CEP295: variants seen among roughly 807,000 people sequenced by gnomAD.
CEP295 encodes the protein centrosomal protein 295, also known as centrosomal protein of 295 kDa.
A neutral mutation model predicts 291.6 loss-of-function variants in CEP295; 190 were observed. The observed-to-expected ratio is 0.65, with a 90% confidence interval of 0.58 to 0.73. CEP295 has a LOEUF of 0.73. Among genes scored for constraint, CEP295 ranks in the 30% least tolerant of loss-of-function variants. The pLI, the probability that CEP295 is intolerant of heterozygous loss-of-function variation, is 0.00. For synonymous variants in CEP295, 993 were observed against 1,038.8 expected, an observed-to-expected ratio of 0.96 and a Z score of 0.85; for missense variants, 2,863 against 2,949.4, an observed-to-expected ratio of 0.97 and a Z score of 0.68.
chr11:93,701,772 T>A (rs1026758634), intron 15 of CEP295, among the ~76,000 whole-genome samples: 2 of 151,536 alleles, frequency 1.3e-5, no homozygotes, highest in Non-Finnish European at 2.9e-5. Context: ...CCCAGCTAAC[T>A]TTTGTATTTT....
rs1020077061 is a variant in CEP295 at position 93,699,324 on chromosome 11, C to G, written c.4412C>G (p.Pro1471Arg). 1 of 1,552,052 alleles carries G rather than the reference C, an allele frequency of 6.4e-7. No homozygotes were observed. Among genetic ancestry groups the G allele is most frequent in the Non-Finnish European group, 8.7e-7 (1 of 1,147,042 alleles). Residue 1471 changes from proline to arginine, a missense_variant, in exon 15 of 30, where the codon CCT becomes CGT. Transcript: ENST00000325212. ...TTGCATGCACAGACAGATTTCCTTC[C>G]TTCTATTGAGAAAACCCAGAAAGAA... Reference protein sequence around the residue: ...EHLHAQTDFLPSIEKTQKELV... With the variant: ...EHLHAQTDFLRSIEKTQKELV...
chr11:93,719,264 G>GT (rs1377766993), intron 18 of CEP295, among the ~76,000 whole-genome samples: 68 of 97,322 alleles, frequency 7.0e-4, no homozygotes, highest in East Asian at 8.4e-4. Flanking sequence ...TTTTTTTCCT[G>GT]TTTTTTTTTG....
At chr11:93,668,653 C>T (rs11822585) in intron 3 of CEP295, among the ~76,000 whole-genome samples, 155 bp from the exon 4 acceptor site, 17,902 of 152,076 alleles carry the variant, frequency 0.12, 1,158 homozygotes, top group East Asian at 0.25. Context: ...CCTAATATGG[C>T]ATATCATCAG....
At chr11:93,662,808 T>G (rs755755543) in intron 1 of CEP295, among the ~76,000 whole-genome samples, 1 of 152,186 alleles carries the variant, frequency 6.6e-6, no homozygotes, top group Non-Finnish European at 1.5e-5. Flanking sequence ...TCATGAGATA[T>G]TTATAAAGGA....
intron 10 of CEP295, among the ~76,000 whole-genome samples, chr11:93,690,655 C>G (rs999229505): frequency 1.4e-5 from 2 of 141,244 alleles, no homozygotes; most frequent in Non-Finnish European, 3.0e-5. Flanking sequence ...TGGTGTAAAC[C>G]AGAGGCAGAG....
chr11:93,724,945 G>A (rs1166020452), intron 22 of CEP295, among the ~76,000 whole-genome samples: 2 of 152,048 alleles, frequency 1.3e-5, no homozygotes, highest in African/African-American at 4.8e-5. Context: ...ATTCTAATGT[G>A]GAACCAACTT....
At chr11:93,680,729 G>A (rs1055462513) in intron 7 of CEP295, among the ~76,000 whole-genome samples, 91 of 152,300 alleles carry the variant, frequency 6.0e-4, no homozygotes, top group African/African-American at 2.0e-3. Flanking sequence ...CTTAACTTCT[G>A]TCATGCTTAT....
At chr11:93,725,936 T>A in intron 23 of CEP295, 105 bp downstream of exon 23, 1 of 828,476 alleles carries the variant, frequency 1.2e-6, no homozygotes, top group Non-Finnish European at 1.9e-6. Flanking sequence ...ACCCCTGCTC[T>A]CACCCCTATC....
chr11:93,717,883 A>T (rs1953387123), intron 18 of CEP295, among the ~76,000 whole-genome samples: 1 of 152,088 alleles, frequency 6.6e-6, no homozygotes, highest in Non-Finnish European at 1.5e-5. Flanking sequence ...TCTTTCTCAG[A>T]ATCATTCCCA....
chr11:93,668,513 A>G (rs970433130), intron 3 of CEP295, among the ~76,000 whole-genome samples: 1 of 152,148 alleles, frequency 6.6e-6, no homozygotes. Flanking sequence ...CTGACTGGGA[A>G]ACTACCCATA....
chr11:93,712,785 T>G (rs2135241150), intron 18 of CEP295, among the ~76,000 whole-genome samples: 1 of 152,282 alleles, frequency 6.6e-6, no homozygotes, highest in South Asian at 2.1e-4. Context: ...AGTAATGATT[T>G]ACTCTTGTCA....
At chr11:93,723,347 C>A in intron 21 of CEP295, 58 bp downstream of exon 21, 1 of 1,263,964 alleles carries the variant, frequency 7.9e-7, no homozygotes, top group Non-Finnish European at 1.1e-6. Flanking sequence ...TTTCACCTTT[C>A]ATCATTTTAA....
intron 18 of CEP295, among the ~76,000 whole-genome samples, chr11:93,714,842 C>CCTCT (rs57191649): frequency 3.6e-4 from 53 of 149,176 alleles, no homozygotes; most frequent in South Asian, 1.9e-3. Flanking sequence ...AGTCAGTCAG[C>CCTCT]CTCTCTCTCT....
intron 7 of CEP295, among the ~76,000 whole-genome samples, chr11:93,679,899 G>T (rs1474902413): frequency 6.6e-6 from 1 of 152,170 alleles, no homozygotes; most frequent in African/African-American, 2.4e-5. Flanking sequence ...CATTAAATTT[G>T]TATTGAGCAA....
chr11:93,662,765 G>C (rs2134738291), intron 1 of CEP295, among the ~76,000 whole-genome samples: 1 of 152,300 alleles, frequency 6.6e-6, no homozygotes, highest in African/African-American at 2.4e-5. Flanking sequence ...AAAGTATGAT[G>C]AAAAGCATAT....
chr11:93,705,346 C>T (rs974588570), intron 17 of CEP295, among the ~76,000 whole-genome samples: 16 of 152,072 alleles, frequency 1.1e-4, no homozygotes, highest in Admixed American at 2.0e-4. Context: ...TAAAACTGAA[C>T]GGGGGTAGAG....
At chr11:93,705,678 T>C (rs1384920252) in intron 17 of CEP295, among the ~76,000 whole-genome samples, 3 of 152,228 alleles carry the variant, frequency 2.0e-5, no homozygotes, top group African/African-American at 7.2e-5. Flanking sequence ...TTACATTTTT[T>C]AGTTCTTTCA....
intron 11 of CEP295, 64 bp from the exon 12 acceptor site, chr11:93,691,863 G>T: frequency 1.1e-5 from 14 of 1,283,628 alleles, no homozygotes; most frequent in Non-Finnish European, 1.4e-5. Flanking sequence ...TTAAGAAAGG[G>T]CATTATAGTG....
Position 93,691,739 on chromosome 11 carries a change from C to T in CEP295, c.1393C>T (p.Pro465Ser). Residue 465 changes from proline (P) to serine (S), a missense_variant, in exon 11 of 30, where the codon CCA (proline) becomes TCA (serine). Pro to Ser is a moderately conservative substitution (Grantham distance 74). Coordinates refer to ENST00000325212, the MANE Select transcript of CEP295 (RefSeq NM_033395.2). ...ESGPLASEDK[P>S]LSCGTNSGKE... The stretch of plus-strand genomic sequence containing the variant: ...TGGACCACTTGCTAGTGAAGATAAA[C>T]CACTTTCGTGTGGTACAAACTCTGG... 1 of 1,547,024 alleles carries T rather than the reference C, an allele frequency of 6.5e-7. No homozygotes were observed. Among genetic ancestry groups the T allele is most frequent in the Non-Finnish European group, 8.7e-7 (1 of 1,145,306 alleles).
Sources: allele counts gnomAD v4.1 joint callset (sites outside exome capture counted in the v4.1 genomes callset), GRCh38; gene constraint gnomAD v4.1.1; transcripts MANE v1.5; gene names NCBI Gene and HGNC (gene_info 2026-07-23, HGNC 2026-07-21).